RBFOX1: variants seen among roughly 807,000 people sequenced by gnomAD.
RBFOX1 encodes RNA binding fox-1 homolog 1.
In RBFOX1, 8 loss-of-function variants were observed where a neutral mutation model predicts 57.7. The ratio of observed to expected loss-of-function variants is 0.14; its 90% CI spans 0.08 to 0.25. The LOEUF is 0.25. Ranked by LOEUF, RBFOX1 falls within the 10% of genes least tolerant of loss-of-function variation. The pLI, the probability that RBFOX1 is intolerant of heterozygous loss-of-function variation, is 1.00. For missense variants in RBFOX1, 611 were observed against 548.5 expected (o/e 1.11, Z -1.14); for synonymous variants, 326 against 222.4 (o/e 1.47, Z -4.15).
chr16:6,680,591 A>G (rs924146811), intron 3 of RBFOX1, among the ~76,000 whole-genome samples: 3 of 152,244 alleles, frequency 2.0e-5, no homozygotes, highest in Admixed American at 2.0e-4. Flanking sequence ...ACCTCCTAGC[A>G]GATGATTTGA....
In RBFOX1 at chr16:7,234,687, A is replaced by ATG. The variant is rs893006473; in HGVS notation, c.27+182591_27+182592dup. On this transcript the variant is annotated intron_variant, in intron 4 of 15. Transcript: ENST00000550418. ...ATATGTATACATATTTTATATATAT[A>ATG]TGTATATATATATGTTATATATATA... 2.4e-4 allele frequency among the ~76,000 whole-genome samples: 18 copies of ATG among 73,748 alleles called. No homozygotes were observed. In the East Asian group the frequency reaches 9.4e-3, roughly 39 times the overall value. The allele number at this position is 73,748 out of a possible 152,430, so 48.4% of individuals were successfully genotyped here.
intron 3 of RBFOX1, among the ~76,000 whole-genome samples, chr16:5,834,155 G>A (rs552654484): frequency 6.6e-6 from 1 of 152,284 alleles, no homozygotes; most frequent in South Asian, 2.1e-4. Flanking sequence ...AGTGGTACAC[G>A]TGGTTTTTGG....
chr16:6,194,842 T>G (rs146334901), intron 1 of RBFOX1, among the ~76,000 whole-genome samples: 1 of 152,356 alleles, frequency 6.6e-6, no homozygotes, highest in East Asian at 1.9e-4. Context: ...ATCTCTATCC[T>G]TAGTGATTAA....
chr16:5,933,778 G>GT (rs200481485), intron 4 of RBFOX1, among the ~76,000 whole-genome samples: 37 of 142,548 alleles, frequency 2.6e-4, no homozygotes, highest in African/African-American at 4.3e-4. Context: ...GCCACAAGGT[G>GT]TTTTTTTTTG....
At chr16:7,463,883 G>A (rs8052821) in intron 4 of RBFOX1, among the ~76,000 whole-genome samples, 144,466 of 152,294 alleles carry the variant, frequency 0.95, 68,571 homozygotes, top group East Asian at 1. Context: ...CCCCATCACA[G>A]AAGAGCAAAG....
intron 4 of RBFOX1, chr16:7,328,854 C>T (rs1377654657): frequency 6.6e-6 from 1 of 151,958 alleles, no homozygotes; most frequent in African/African-American, 2.4e-5. Flanking sequence ...AAATACATAC[C>T]CTAGATTAAG....
At chr16:6,136,111 C>G (rs1268280770) in intron 1 of RBFOX1, among the ~76,000 whole-genome samples, 1 of 151,942 alleles carries the variant, frequency 6.6e-6, no homozygotes. Context: ...GACCTTTTTG[C>G]CATTGACTTT....
At chr16:7,313,731 T>G (rs753219103) in intron 4 of RBFOX1, among the ~76,000 whole-genome samples, 1 of 152,006 alleles carries the variant, frequency 6.6e-6, no homozygotes, top group African/African-American at 2.4e-5. Flanking sequence ...CTCCAGGGAG[T>G]TGAAATTAAT....
chr16:6,048,164 G>A (rs910420009), intron 1 of RBFOX1, among the ~76,000 whole-genome samples: 30 of 152,278 alleles, frequency 2.0e-4, no homozygotes, highest in African/African-American at 7.0e-4. Context: ...CCATGGGGTA[G>A]GTATTATGAT....
intron 2 of RBFOX1, among the ~76,000 whole-genome samples, chr16:5,517,863 C>T (rs960770231): frequency 4.0e-5 from 6 of 151,640 alleles, no homozygotes; most frequent in Non-Finnish European, 1.5e-5. Flanking sequence ...CACACACACA[C>T]GTACATATAC....
chr16:5,639,426 T>C (rs569025396), intron 3 of RBFOX1, among the ~76,000 whole-genome samples: 2 of 152,210 alleles, frequency 1.3e-5, no homozygotes, highest in African/African-American at 4.8e-5. Flanking sequence ...GCTGGGAGGT[T>C]CAACAGAAGT....
At chr16:5,295,713 A>G (rs1392060487) in intron 1 of RBFOX1, among the ~76,000 whole-genome samples, 1 of 152,144 alleles carries the variant, frequency 6.6e-6, no homozygotes, top group African/African-American at 2.4e-5. Context: ...TTAACATCCT[A>G]TCTAACGTAA....
chr16:6,139,389 C>T (rs928776637), intron 1 of RBFOX1, among the ~76,000 whole-genome samples: 1 of 152,194 alleles, frequency 6.6e-6, no homozygotes, highest in African/African-American at 2.4e-5. Flanking sequence ...TTGCCCAAGT[C>T]ACTTTCTCCA....
rs1005206606 is a variant in RBFOX1 at position 7,054,218 on chromosome 16, G to GC, written c.27+2120_27+2121insC. Among the ~76,000 whole-genome samples, 5 of 104,922 alleles carry GC rather than the reference G, an allele frequency of 4.8e-5. 1 individual carries two copies. Among genetic ancestry groups the GC allele is most frequent in the Non-Finnish European group, 7.6e-5 (4 of 52,718 alleles). 68.8% of individuals were successfully genotyped at this position (104,922 alleles called of 152,430 possible). On this transcript the variant is annotated intron_variant, in intron 4 of 15. Coordinates refer to ENST00000550418, the MANE Select transcript of RBFOX1 (RefSeq NM_018723.4). ...ATTAAGGTGATTTTTTTTTTCGGGG[G>GC]GGGGGGGCGGGGAGCTTTTTTTTTT...
chr16:7,443,491 G>C (rs2149970430), intron 4 of RBFOX1, among the ~76,000 whole-genome samples: 1 of 151,180 alleles, frequency 6.6e-6, no homozygotes, highest in Non-Finnish European at 1.5e-5. Flanking sequence ...TTGACTGGTA[G>C]GCTAAGAACC....
At chr16:7,297,695 A>G (rs1228107039) in intron 4 of RBFOX1, among the ~76,000 whole-genome samples, 1 of 152,182 alleles carries the variant, frequency 6.6e-6, no homozygotes, top group Non-Finnish European at 1.5e-5. Context: ...CAACAGTTGT[A>G]GTAGTAGTTG....
intron 4 of RBFOX1, among the ~76,000 whole-genome samples, chr16:7,513,867 C>A (rs1280171939): frequency 6.6e-6 from 1 of 152,150 alleles, no homozygotes; most frequent in Non-Finnish European, 1.5e-5. Flanking sequence ...CAAAGATCTG[C>A]GGATGGAAAG....
At chr16:5,956,043 C>T (rs927568103) in intron 4 of RBFOX1, among the ~76,000 whole-genome samples, 2 of 152,094 alleles carry the variant, frequency 1.3e-5, no homozygotes, top group African/African-American at 2.4e-5. Flanking sequence ...AGGAGGATCA[C>T]TTGAGGCCAA....
At chr16:7,198,241 G>T (rs1049903810) in intron 4 of RBFOX1, among the ~76,000 whole-genome samples, 1 of 151,980 alleles carries the variant, frequency 6.6e-6, no homozygotes, top group Middle Eastern at 3.2e-3. Flanking sequence ...TCCTAACGTC[G>T]TGATCTGCCT....
Sources: allele counts gnomAD v4.1 joint callset (sites outside exome capture counted in the v4.1 genomes callset), GRCh38; gene constraint gnomAD v4.1.1; transcripts MANE v1.5; gene names NCBI Gene and HGNC (gene_info 2026-07-23, HGNC 2026-07-21).